PRKG1: variants seen among roughly 807,000 people sequenced by gnomAD.
The protein encoded by PRKG1 is cGMP-dependent protein kinase 1.
Under a neutral mutation model 88.1 loss-of-function variants are expected in PRKG1, and 35 were observed. The observed-to-expected ratio is 0.40, with a 90% confidence interval of 0.30 to 0.53. The LOEUF (loss-of-function observed/expected upper bound fraction) is 0.53, where lower values mean the gene tolerates loss of function less well. PRKG1 is among the 20% of genes least tolerant of loss of function. The pLI is 0.59. For missense variants in PRKG1, 540 were observed against 839.8 expected (o/e 0.64, Z 4.41); for synonymous variants, 303 against 292.5 (o/e 1.04, Z -0.37).
intron 9 of PRKG1, among the ~76,000 whole-genome samples, chr10:52,199,194 T>G (rs148333600): frequency 6.6e-6 from 1 of 152,294 alleles, no homozygotes; most frequent in Non-Finnish European, 1.5e-5. Context: ...CCTCACCTTC[T>G]AACCCTGACA....
intron 2 of PRKG1, among the ~76,000 whole-genome samples, chr10:51,192,921 T>A (rs1414269560): frequency 6.6e-6 from 1 of 151,906 alleles, no homozygotes; most frequent in African/African-American, 2.4e-5. Flanking sequence ...GTTGGAAAAA[T>A]CTGGTCTCTA....
chr10:51,093,801 TAC>T (rs57772981), intron 1 of PRKG1, among the ~76,000 whole-genome samples: 31,274 of 127,344 alleles, frequency 0.25, 3,862 homozygotes, highest in Admixed American at 0.29. Context: ...TATATATATA[TAC>T]ACACACACAC....
In PRKG1 at chr10:51,743,687, T is replaced by A. The variant is rs1360362253; in HGVS notation, c.593-60898T>A. ...ATATATATATTTATATATATATAAT[T>A]TATTATATATATAATATAAACTAAA... On this transcript the variant is annotated intron_variant, in intron 3 of 17. Transcript: ENST00000373980. Among the ~76,000 whole-genome samples, 442 of 133,582 alleles carry A rather than the reference T, an allele frequency of 3.3e-3. 4 individuals are homozygous for A. The highest frequency in any genetic ancestry group is 0.012 in the African/African-American group (423 of 35,210). The allele number at this position is 133,582 out of a possible 152,430, so 87.6% of individuals were successfully genotyped here.
chr10:51,517,438 A>G (rs1386336018), intron 3 of PRKG1, among the ~76,000 whole-genome samples: 1 of 152,212 alleles, frequency 6.6e-6, no homozygotes, highest in East Asian at 1.9e-4. Flanking sequence ...GGGGGTGTCA[A>G]CAACACTTGC....
At chr10:51,113,944 C>CGTGTGTGTGTGT (rs35562284) in intron 1 of PRKG1, among the ~76,000 whole-genome samples, 87 of 139,124 alleles carry the variant, frequency 6.3e-4, no homozygotes, top group Middle Eastern at 3.6e-3. Context: ...AGCCTGTAAA[C>CGTGTGTGTGTGT]GTGTGTGTGT....
At chr10:51,687,266 G>C (rs1229467550) in intron 3 of PRKG1, among the ~76,000 whole-genome samples, 1 of 152,178 alleles carries the variant, frequency 6.6e-6, no homozygotes, top group Admixed American at 6.5e-5. Context: ...ATAGAGTTTT[G>C]CTACCATTTC....
chr10:51,627,873 T>C (rs563918931), intron 3 of PRKG1, among the ~76,000 whole-genome samples: 6 of 140,790 alleles, frequency 4.3e-5, no homozygotes, highest in Admixed American at 7.1e-5. Context: ...CTTCCTTCCT[T>C]CCCTTCCCTT....
At chr10:51,594,391 C>A (rs968924142) in intron 3 of PRKG1, among the ~76,000 whole-genome samples, 32 of 152,084 alleles carry the variant, frequency 2.1e-4, no homozygotes, top group Admixed American at 1.6e-3. Context: ...TGCAGGTAGC[C>A]ATAAAGTCTA....
At chr10:51,450,862 A>G (rs1214835608) in intron 2 of PRKG1, among the ~76,000 whole-genome samples, 1 of 151,756 alleles carries the variant, frequency 6.6e-6, no homozygotes, top group East Asian at 1.9e-4. Flanking sequence ...AAAAAAAAAA[A>G]AGATGCCCCT....
chr10:51,783,575 C>T (rs116704408), intron 3 of PRKG1, among the ~76,000 whole-genome samples: 188 of 152,192 alleles, frequency 1.2e-3, no homozygotes, highest in African/African-American at 4.1e-3. Context: ...AGCCACTGCA[C>T]GCAGCCAGAC....
intron 4 of PRKG1, among the ~76,000 whole-genome samples, chr10:51,843,093 C>CTTTTTTTTTTTTTTTTTTTTTT (rs1167219822): frequency 1.1e-5 from 1 of 87,912 alleles, no homozygotes; most frequent in Non-Finnish European, 2.3e-5. Flanking sequence ...GAAAATTATT[C>CTTTTTTTTTTTTTTTTTTTTTT]TTTTTTTTTT....
chr10:52,253,215 C>T (rs1358149605), intron 10 of PRKG1, among the ~76,000 whole-genome samples: 1 of 151,546 alleles, frequency 6.6e-6, no homozygotes, highest in East Asian at 1.9e-4. Flanking sequence ...GACAATAAAA[C>T]TACTATTTTT....
At chr10:52,099,144 G>A (rs538566075) in intron 7 of PRKG1, among the ~76,000 whole-genome samples, 1 of 152,116 alleles carries the variant, frequency 6.6e-6, no homozygotes, top group African/African-American at 2.4e-5. Context: ...ATGGAATCCC[G>A]CAGTTACACA....
intron 1 of PRKG1, among the ~76,000 whole-genome samples, chr10:51,084,786 G>T (rs1420377807): frequency 2.0e-5 from 3 of 152,078 alleles, no homozygotes; most frequent in Non-Finnish European, 4.4e-5. Context: ...GGTAATTATA[G>T]TATCATCCAG....
intron 9 of PRKG1, among the ~76,000 whole-genome samples, chr10:52,219,833 A>C (rs1465329852): frequency 1.3e-5 from 2 of 152,200 alleles, no homozygotes; most frequent in African/African-American, 4.8e-5. Context: ...TAGGCCTTTA[A>C]ATATTGCAAA....
chr10:51,094,767 C>T (rs77536773), intron 1 of PRKG1, among the ~76,000 whole-genome samples: 85 of 152,216 alleles, frequency 5.6e-4, no homozygotes, highest in African/African-American at 1.9e-3. Flanking sequence ...TTTCTGCAAA[C>T]GTACAAAGCT....
At chr10:51,382,223 AT>A (rs1428684713) in intron 2 of PRKG1, among the ~76,000 whole-genome samples, 1 of 152,178 alleles carries the variant, frequency 6.6e-6, no homozygotes, top group African/African-American at 2.4e-5. Flanking sequence ...GAAAAGATGA[AT>A]TTGTTTATTA....
intron 2 of PRKG1, among the ~76,000 whole-genome samples, chr10:51,387,414 C>A (rs1837280792): frequency 6.6e-6 from 1 of 151,440 alleles, no homozygotes. Flanking sequence ...CCTGCATTTT[C>A]ATTTTCCACT....
At chr10:51,480,597 C>T (rs1301015990) in intron 3 of PRKG1, among the ~76,000 whole-genome samples, 1 of 151,792 alleles carries the variant, frequency 6.6e-6, no homozygotes, top group Admixed American at 6.6e-5. Context: ...TGTAGGAGAC[C>T]CATGGCTAAC....
Sources: gnomAD v4.1 joint callset for allele counts (sites outside exome capture counted in the v4.1 genomes callset) on GRCh38, gnomAD v4.1.1 for gene constraint, MANE v1.5 for transcripts, NCBI Gene and HGNC (gene_info 2026-07-23, HGNC 2026-07-21) for gene names.